MSRA: variants seen among roughly 807,000 people sequenced by gnomAD.
MSRA encodes methionine sulfoxide reductase A.
Under a neutral mutation model 31.3 loss-of-function variants are expected in MSRA, and 54 were observed. The ratio of observed to expected loss-of-function variants is 1.73; its 90% confidence interval spans 1.39 to 2.17. The LOEUF is 2.17. Ranked by LOEUF, MSRA falls within the 30% of genes most tolerant of loss-of-function variation. The probability of loss-of-function intolerance (pLI) is 0.00; values close to 1 mark genes in which losing one functional copy is unlikely to be tolerated. For synonymous variants in MSRA, 169 were observed against 116.5 expected, an observed-to-expected ratio of 1.45 and a Z score of -2.90; for missense variants, 507 against 300.9, an observed-to-expected ratio of 1.69 and a Z score of -5.07.
At chr8:10,313,734 C>T (rs1034043843) in intron 4 of MSRA, among the ~76,000 whole-genome samples, 3 of 152,160 alleles carry the variant, frequency 2.0e-5, no homozygotes, top group African/African-American at 4.8e-5. Context: ...AGCAAAGATA[C>T]TTGCATAAGA....
chr8:10,112,573 G>A (rs1800367919), intron 1 of MSRA, among the ~76,000 whole-genome samples: 2 of 152,344 alleles, frequency 1.3e-5, no homozygotes, highest in South Asian at 4.1e-4. Flanking sequence ...GTCAGATGCT[G>A]TGATTACATG....
At chr8:10,068,107 C>T (rs1438094322) in intron 1 of MSRA, among the ~76,000 whole-genome samples, 1 of 152,060 alleles carries the variant, frequency 6.6e-6, no homozygotes, top group Non-Finnish European at 1.5e-5. Context: ...TGATGTCGAA[C>T]TTTTGACCTC....
At chr8:10,282,275 A>T (rs981595637) in intron 3 of MSRA, among the ~76,000 whole-genome samples, 1 of 152,262 alleles carries the variant, frequency 6.6e-6, no homozygotes, top group African/African-American at 2.4e-5. Flanking sequence ...TAGAGAACAC[A>T]GTGCAGAAAT....
At chr8:10,392,606 C>T (rs1006601292) in intron 5 of MSRA, among the ~76,000 whole-genome samples, 5 of 151,994 alleles carry the variant, frequency 3.3e-5, no homozygotes, top group Non-Finnish European at 7.4e-5. Context: ...TAAACCGAAT[C>T]TGGTGGTAAG....
chr8:10,076,354 G>C (rs1433755036), intron 1 of MSRA, among the ~76,000 whole-genome samples: 1 of 152,198 alleles, frequency 6.6e-6, no homozygotes, highest in Non-Finnish European at 1.5e-5. Context: ...GAGCTGCGGT[G>C]TATGGCACGT....
chr8:10,277,662 A>G (rs1799395463), intron 3 of MSRA, among the ~76,000 whole-genome samples: 1 of 152,202 alleles, frequency 6.6e-6, no homozygotes, highest in East Asian at 1.9e-4. Flanking sequence ...CAAATAACCC[A>G]ATGTCATTGT....
chr8:10,060,337 A>C (rs556961789), intron 1 of MSRA, among the ~76,000 whole-genome samples: 5 of 152,356 alleles, frequency 3.3e-5, no homozygotes, highest in African/African-American at 1.2e-4. Flanking sequence ...ATGTAGCATT[A>C]AGTGAAAAAA....
At chr8:10,204,276 C>G (rs543921703) in intron 1 of MSRA, among the ~76,000 whole-genome samples, 16 of 152,228 alleles carry the variant, frequency 1.1e-4, no homozygotes, top group Admixed American at 4.6e-4. Context: ...TTAGTGTAGC[C>G]TAAGTGCGTG....
chr8:10,273,618 C>T (rs886319411), intron 3 of MSRA, among the ~76,000 whole-genome samples: 1 of 152,122 alleles, frequency 6.6e-6, no homozygotes, highest in Non-Finnish European at 1.5e-5. Flanking sequence ...CTTTCTTATG[C>T]AACCTCCCAC....
In MSRA at chr8:10,093,434, A is replaced by G. The variant is rs552883768; in HGVS notation, c.142+38776A>G. ...CAGATTAATACCAATGTAATAATATACAAAAACTTTGCTCCTATATAGCTC... is the reference window on the plus strand; with the variant it reads ...CAGATTAATACCAATGTAATAATATGCAAAAACTTTGCTCCTATATAGCTC... On this transcript the variant is annotated intron_variant, in intron 1 of 5. Transcript: ENST00000317173. 2.0e-5 allele frequency among the ~76,000 whole-genome samples: 3 copies of G among 152,304 alleles called. No homozygotes were observed. The East Asian group carries it at 5.8e-4, about 29-fold the overall frequency.
intron 2 of MSRA, among the ~76,000 whole-genome samples, chr8:10,228,859 A>T (rs969847027): frequency 5.3e-5 from 8 of 152,208 alleles, no homozygotes; most frequent in African/African-American, 1.9e-4. Flanking sequence ...GTGGATACAA[A>T]CTCATTTATT....
chr8:10,129,527 C>T (rs963028789), intron 1 of MSRA, among the ~76,000 whole-genome samples: 2 of 152,154 alleles, frequency 1.3e-5, no homozygotes, highest in Non-Finnish European at 2.9e-5. Context: ...TGCAGGGAAA[C>T]TGAGAGCACC....
At chr8:10,209,057 C>G (rs369971156) in intron 2 of MSRA, among the ~76,000 whole-genome samples, 3 of 152,204 alleles carry the variant, frequency 2.0e-5, no homozygotes, top group Non-Finnish European at 2.9e-5. Context: ...AAATCATGCT[C>G]TGTGTAGGCT....
chr8:10,262,459 T>TAA (rs1274716551), intron 3 of MSRA, among the ~76,000 whole-genome samples: 5 of 152,232 alleles, frequency 3.3e-5, no homozygotes, highest in Non-Finnish European at 5.9e-5. Flanking sequence ...TAATTTGCAA[T>TAA]TCTTTAATGA....
intron 5 of MSRA, among the ~76,000 whole-genome samples, chr8:10,424,514 G>A (rs1213951493): frequency 4.0e-5 from 6 of 150,908 alleles, no homozygotes; most frequent in Non-Finnish European, 8.9e-5. Flanking sequence ...GGATCGGGGA[G>A]AAGGGCCTGG....
At chr8:10,095,690 C>T (rs1799106479) in intron 1 of MSRA, 1 of 1,027,490 alleles carries the variant, frequency 9.7e-7, no homozygotes, top group African/African-American at 1.7e-5. Context: ...AGAAAACCGT[C>T]CTGGGGTACA....
intron 1 of MSRA, among the ~76,000 whole-genome samples, chr8:10,127,491 A>T (rs752336745): frequency 2.0e-5 from 3 of 152,180 alleles, no homozygotes; most frequent in Non-Finnish European, 4.4e-5. Flanking sequence ...CTTATTATTG[A>T]ATTCAGTTCA....
intron 1 of MSRA, among the ~76,000 whole-genome samples, chr8:10,138,817 T>G (rs1802479390): frequency 6.6e-6 from 1 of 152,160 alleles, no homozygotes; most frequent in African/African-American, 2.4e-5. Context: ...GGCCAAAGGG[T>G]GGAAAATTCC....
intron 1 of MSRA, among the ~76,000 whole-genome samples, chr8:10,186,419 A>G (rs1414889385): frequency 6.6e-6 from 1 of 152,074 alleles, no homozygotes; most frequent in Non-Finnish European, 1.5e-5. Context: ...ATTTAATGAC[A>G]CTCAAATTTG....
Sources: allele counts gnomAD v4.1 joint callset (sites outside exome capture counted in the v4.1 genomes callset), GRCh38; gene constraint gnomAD v4.1.1; transcripts MANE v1.5; gene names NCBI Gene and HGNC (gene_info 2026-07-23, HGNC 2026-07-21).